ACACA: variants seen among roughly 807,000 people sequenced by gnomAD.
The protein encoded by ACACA is acetyl-CoA carboxylase 1.
Under a neutral mutation model 296.1 loss-of-function variants are expected in ACACA, and 103 were observed. The observed-to-expected ratio is 0.35, with a 90% CI of 0.30 to 0.41. The LOEUF is 0.41. Ranked by LOEUF, ACACA falls within the 10% of genes least tolerant of loss-of-function variation. ACACA has a pLI of 1.00. For missense variants in ACACA, 1,554 were observed against 2,989.7 expected, an observed-to-expected ratio of 0.52 and a Z score of 11.20; for synonymous variants, 953 against 1,038.6, an observed-to-expected ratio of 0.92 and a Z score of 1.58.
chr17:37,247,232 AACAC>A (rs1269410911), intron 18 of ACACA, among the ~76,000 whole-genome samples: 1 of 152,222 alleles, frequency 6.6e-6, no homozygotes, highest in African/African-American at 2.4e-5. Context: ...CATTTAAAAA[AACAC>A]ACACAAAGAT....
intron 29 of ACACA, among the ~76,000 whole-genome samples, chr17:37,212,236 CT>C (rs768052148): frequency 6.6e-6 from 1 of 152,158 alleles, no homozygotes; most frequent in Non-Finnish European, 1.5e-5. Context: ...AATCTAACTG[CT>C]TCTGTAGCTA....
intron 41 of ACACA, among the ~76,000 whole-genome samples, chr17:37,176,536 C>T (rs1299831478): frequency 6.6e-6 from 1 of 152,186 alleles, no homozygotes; most frequent in African/African-American, 2.4e-5. Context: ...TCACATCATT[C>T]TTGGGGTAAT....
intron 47 of ACACA, among the ~76,000 whole-genome samples, chr17:37,127,589 C>T (rs1182469923): frequency 7.9e-5 from 12 of 152,258 alleles, no homozygotes; most frequent in East Asian, 3.9e-4. Context: ...TGGCCGGGCG[C>T]GGTGGCTCAC....
intron 48 of ACACA, among the ~76,000 whole-genome samples, chr17:37,125,181 G>A (rs1168508434): frequency 1.3e-5 from 2 of 151,636 alleles, no homozygotes; most frequent in Non-Finnish European, 2.9e-5. Context: ...AGGTATCTTG[G>A]CAACCTATTT....
chr17:37,328,214 C>T (rs569013688), intron 3 of ACACA, among the ~76,000 whole-genome samples: 35 of 152,270 alleles, frequency 2.3e-4, no homozygotes, highest in African/African-American at 8.4e-4. Context: ...AGTTCTCTGG[C>T]TATTCAAACT....
rs1164866558 is a variant in ACACA, at chr17:37,362,949, T to C, written c.39-23099A>G. Among the ~76,000 whole-genome samples the C allele has an allele frequency of 4.0e-5, 5 of 125,702 alleles. No individual in the cohort carries two copies. The East Asian group carries it at 1.1e-3, about 27-fold the overall frequency. The allele number at this position is 125,702 out of a possible 152,430, so 82.5% of individuals were successfully genotyped here. ...GAGATCGCGCCACTGCACTCCAGCC[T>C]GGCGACAGAGCGAGACTCCGTCTCA... On this transcript the variant is annotated intron_variant, in intron 1 of 55. Coordinates refer to ENST00000616317, the MANE Select transcript of ACACA (RefSeq NM_198834.3).
At position 37,252,075 on chromosome 17, in the gene ACACA, A is replaced by G; in HGVS notation, c.2011T>C (p.Cys671Arg). ...ACATCTGCCACGTGGAGGGCACCAC[A>G]CACAACCCCCAACATGGTGTCAGGT... Reference protein sequence around the residue: ...ERPDTMLGVVCGALHVADVSL... With the variant: ...ERPDTMLGVVRGALHVADVSL... Residue 671 changes from cysteine (C) to arginine (R), a missense_variant, in exon 16 of 56, where the codon TGT becomes CGT. Cys to Arg is a radical substitution (Grantham distance 180, BLOSUM62 -3). Around this residue, in one of 16 missense-constraint regions of ACACA, gnomAD observed 316 missense variants for 540.9 expected, o/e 0.58. Coordinates refer to ENST00000616317, the MANE Select transcript of ACACA (RefSeq NM_198834.3). 1 of 1,614,206 alleles carries G rather than the reference A, an allele frequency of 6.2e-7. No homozygotes were observed.
intron 3 of ACACA, chr17:37,299,395 A>T (rs1462915949): frequency 8.7e-6 from 14 of 1,612,820 alleles, no homozygotes; most frequent in Non-Finnish European, 1.1e-5. Flanking sequence ...CACAAGCCGC[A>T]GTTCCTCCTC....
chr17:37,211,675 C>T (rs146016786), intron 29 of ACACA, among the ~76,000 whole-genome samples: 72 of 152,286 alleles, frequency 4.7e-4, no homozygotes, highest in Non-Finnish European at 7.9e-4. Context: ...AAACGATGCA[C>T]TTTCCATGGC....
intron 3 of ACACA, among the ~76,000 whole-genome samples, chr17:37,326,471 C>T (rs148109144): frequency 0.016 from 2,354 of 151,174 alleles, 26 homozygotes; most frequent in South Asian, 0.049. Context: ...GCAGAGGTTG[C>T]GGTAAGTGGA....
At chr17:37,260,694 C>T (rs924448766) in intron 11 of ACACA, among the ~76,000 whole-genome samples, 2 of 151,386 alleles carry the variant, frequency 1.3e-5, no homozygotes, top group South Asian at 4.2e-4. Flanking sequence ...TAGTATAAGC[C>T]AACTTCAATC....
intron 25 of ACACA, among the ~76,000 whole-genome samples, chr17:37,229,207 T>C (rs2079713311): frequency 6.6e-6 from 1 of 152,136 alleles, no homozygotes; most frequent in Admixed American, 6.5e-5. Context: ...ATAGAATGCA[T>C]TCCCTTTAAA....
chr17:37,270,680 T>C (rs988616363), intron 10 of ACACA, 71 bp downstream of exon 10: 4 of 1,163,834 alleles, frequency 3.4e-6, no homozygotes, highest in East Asian at 2.3e-5. Flanking sequence ...ATCCAAATTA[T>C]AGTATGAGTT....
Position 37,085,198 on chromosome 17 carries a change from AT to A in ACACA, c.*2117del, listed in dbSNP as rs1220103840. 6.2e-6 allele frequency: 1 copy of A among 161,956 alleles called. No homozygotes were observed. The highest frequency in any genetic ancestry group is 1.3e-5 in the Non-Finnish European group (1 of 74,976). 10.0% of individuals were successfully genotyped at this position (161,956 alleles called of 1,614,324 possible). ...ACTCCTCCTGCCTTAGTAGCCTTGC[AT>A]GTTTGAGGGGCTGTGGGAATGTCAG... On this transcript the variant is annotated 3_prime_UTR_variant, in exon 56 of 56. Transcript: ENST00000616317.
intron 1 of ACACA, among the ~76,000 whole-genome samples, chr17:37,351,989 G>A (rs1256114008): frequency 4.0e-5 from 6 of 150,258 alleles, no homozygotes; most frequent in Non-Finnish European, 7.4e-5. Context: ...GGAGTGCAGC[G>A]GCGCAATCTC....
chr17:37,335,428 T>C (rs138001501), intron 2 of ACACA, among the ~76,000 whole-genome samples: 1,989 of 152,196 alleles, frequency 0.013, 46 homozygotes, highest in African/African-American at 0.044. Context: ...ATGCATCAGG[T>C]GGGTAACTCC....
intron 45 of ACACA, chr17:37,144,105 T>G: frequency 3.9e-6 from 3 of 762,576 alleles, no homozygotes; most frequent in Non-Finnish European, 7.3e-6. Context: ...TGTCTGTCTT[T>G]GCCATATCTT....
chr17:37,205,699 G>A, intron 33 of ACACA, 66 bp downstream of exon 33: 1 of 1,222,384 alleles, frequency 8.2e-7, no homozygotes, highest in Non-Finnish European at 1.2e-6. Flanking sequence ...ACTGATAAAA[G>A]GATAGCTATG....
chr17:37,285,536 G>A (rs550016965), intron 3 of ACACA, among the ~76,000 whole-genome samples: 163 of 152,106 alleles, frequency 1.1e-3, no homozygotes, highest in African/African-American at 1.5e-3. Context: ...CTCCTAGGCC[G>A]GGTGCAGTGG....
Sources: gnomAD v4.1 joint callset for allele counts (sites outside exome capture counted in the v4.1 genomes callset) on GRCh38, gnomAD v4.1.1 for gene constraint, gnomAD v4.1.1 regional missense constraint, MANE v1.5 for transcripts, NCBI Gene and HGNC (gene_info 2026-07-23, HGNC 2026-07-21) for gene names.